Variants in MAPK6 observed in about 807,000 individuals in gnomAD.
MAPK6 encodes mitogen-activated protein kinase 6.
A neutral mutation model predicts 59.3 loss-of-function variants in MAPK6; 19 were observed. The observed-to-expected ratio is 0.32, with a 90% confidence interval of 0.22 to 0.47. The LOEUF is 0.47. Among genes scored for constraint, MAPK6 ranks in the 20% least tolerant of loss-of-function variants. The probability of loss-of-function intolerance (pLI) is 1.00; values close to 1 mark genes in which losing one functional copy is unlikely to be tolerated. For synonymous variants in MAPK6, 316 were observed against 290.3 expected (o/e 1.09, Z -0.90); for missense variants, 724 against 847.9 (o/e 0.85, Z 1.81).
At chr15:52,042,467 T>C (rs1450013107) in intron 1 of MAPK6, among the ~76,000 whole-genome samples, 3 of 152,134 alleles carry the variant, frequency 2.0e-5, no homozygotes, top group Non-Finnish European at 4.4e-5. Context: ...TGCTGACCAG[T>C]CACTGAGAAT....
intron 1 of MAPK6, among the ~76,000 whole-genome samples, chr15:52,021,776 TTCAC>T (rs2030538342): frequency 6.6e-6 from 1 of 152,214 alleles, no homozygotes; most frequent in Non-Finnish European, 1.5e-5. Flanking sequence ...ATATGAAAGT[TTCAC>T]TCAGAATTAT....
At chr15:52,025,329 T>G (rs1001711786) in intron 1 of MAPK6, among the ~76,000 whole-genome samples, 1 of 152,162 alleles carries the variant, frequency 6.6e-6, no homozygotes, top group African/African-American at 2.4e-5. Context: ...CCACTGGCCC[T>G]TCTGAAAAAA....
chr15:52,028,108 A>G (rs2030881852), intron 1 of MAPK6, among the ~76,000 whole-genome samples: 1 of 151,402 alleles, frequency 6.6e-6, no homozygotes. Context: ...GCCTGCCACC[A>G]CGCCCGGCTA....
At chr15:51,998,132 C>T (rs1249069512) in intron 2 of MAPK6, among the ~76,000 whole-genome samples, 3 of 151,688 alleles carry the variant, frequency 2.0e-5, no homozygotes, top group South Asian at 2.1e-4. Flanking sequence ...TTAGTAGAGA[C>T]GGGGTTTCAC....
At chr15:52,007,060 C>T (rs553156754) in intron 3 of MAPK6, among the ~76,000 whole-genome samples, 6 of 152,276 alleles carry the variant, frequency 3.9e-5, no homozygotes, top group South Asian at 4.1e-4. Context: ...CTGTGACCTA[C>T]GACATTGTTT....
intron 1 of MAPK6, among the ~76,000 whole-genome samples, chr15:51,979,202 AGG>A: frequency 6.9e-6 from 1 of 144,036 alleles, no homozygotes; most frequent in East Asian, 2.0e-4. Context: ...AAGAGAAAGA[AGG>A]AAAGAAGAAA....
At chr15:51,971,904 T>G (rs926306383) in exon 1 of MAPK6, 1 of 699,918 alleles carries the variant, frequency 1.4e-6, no homozygotes, top group East Asian at 2.7e-5. Context: ...TGTTCTCGCC[T>G]GGGTATGCAT....
intron 1 of MAPK6, among the ~76,000 whole-genome samples, chr15:52,039,279 G>A (rs1299460292): frequency 6.6e-6 from 1 of 151,938 alleles, no homozygotes; most frequent in African/African-American, 2.4e-5. Flanking sequence ...CACCACGCCT[G>A]GCTGTAACTA....
intron 1 of MAPK6, among the ~76,000 whole-genome samples, chr15:52,034,294 C>G (rs1032133464): frequency 6.6e-6 from 1 of 151,066 alleles, no homozygotes; most frequent in African/African-American, 2.4e-5. Context: ...CTCCTGGTTG[C>G]TTTTAAGAAT....
chr15:52,009,536 C>G (rs1314399358), intron 3 of MAPK6, among the ~76,000 whole-genome samples: 2 of 152,186 alleles, frequency 1.3e-5, no homozygotes, highest in Non-Finnish European at 2.9e-5. Context: ...TAGTTTAATT[C>G]TACCATTTCT....
chr15:52,013,006 AAAAAAAAAAAAAAAATATATATATATAT>A (rs1244632478), intron 3 of MAPK6, among the ~76,000 whole-genome samples: 8 of 23,144 alleles, frequency 3.5e-4, no homozygotes, highest in Admixed American at 7.0e-4. Context: ...AAAAAAAAAA[AAAAAAAAAAAAAAAATATATATATATAT>A]ATATATATAT....
chr15:52,033,362 C>G (rs1251493949), intron 1 of MAPK6, among the ~76,000 whole-genome samples: 1 of 152,138 alleles, frequency 6.6e-6, no homozygotes, highest in Non-Finnish European at 1.5e-5. Flanking sequence ...TTGGCTGCCA[C>G]CGAGGCTAGA....
At chr15:52,045,215 C>A (rs1050244246) in intron 1 of MAPK6, among the ~76,000 whole-genome samples, 2 of 152,298 alleles carry the variant, frequency 1.3e-5, no homozygotes, top group Middle Eastern at 3.4e-3. Context: ...TGTTTTTCTA[C>A]ACTCCTCAGA....
At chr15:51,974,598 G>A (rs2057151742) in intron 1 of MAPK6, among the ~76,000 whole-genome samples, 1 of 142,644 alleles carries the variant, frequency 7.0e-6, no homozygotes, top group Admixed American at 7.2e-5. Context: ...GGCGGAGCTT[G>A]CAGTGAGCTG....
chr15:52,054,144 G>T (rs1328479565), intron 3 of MAPK6, among the ~76,000 whole-genome samples: 1 of 151,682 alleles, frequency 6.6e-6, no homozygotes, highest in Non-Finnish European at 1.5e-5. Context: ...GAGGCAAGTG[G>T]ATCACCTGAG....
intron 1 of MAPK6, among the ~76,000 whole-genome samples, chr15:51,974,566 G>A (rs2057151662): frequency 6.7e-6 from 1 of 148,582 alleles, no homozygotes; most frequent in Admixed American, 6.7e-5. Context: ...GGCTGAGGCA[G>A]GAGAATGGCA....
chr15:52,044,856 A>G (rs1040892287), intron 1 of MAPK6, among the ~76,000 whole-genome samples: 5 of 152,010 alleles, frequency 3.3e-5, no homozygotes, highest in Admixed American at 2.0e-4. Context: ...ACGCAGATAA[A>G]TGATTCTGGT....
chr15:52,033,162 T>C, intron 1 of MAPK6, among the ~76,000 whole-genome samples: 1 of 152,330 alleles, frequency 6.6e-6, no homozygotes, highest in Non-Finnish European at 1.5e-5. Flanking sequence ...TTATTTCTCT[T>C]AGATACAGAA....
intron 1 of MAPK6, among the ~76,000 whole-genome samples, chr15:52,025,731 A>G (rs2030745770): frequency 6.6e-6 from 1 of 152,134 alleles, no homozygotes; most frequent in African/African-American, 2.4e-5. Flanking sequence ...CAGGAGGCGG[A>G]GCTTGCAGTG....
Sources: gnomAD v4.1 joint callset for allele counts (sites outside exome capture counted in the v4.1 genomes callset) on GRCh38, gnomAD v4.1.1 for gene constraint, MANE v1.5 for transcripts, NCBI Gene and HGNC (gene_info 2026-07-23, HGNC 2026-07-21) for gene names.